Variants in FAXC observed in about 807,000 individuals in gnomAD.
The protein encoded by FAXC is failed axon connections homolog.
FAXC carries 10 observed loss-of-function variants against 41.9 expected under a neutral mutation model. The ratio of observed to expected loss-of-function variants is 0.24; its 90% CI spans 0.15 to 0.41. The LOEUF (loss-of-function observed/expected upper bound fraction) is 0.41. Among genes scored for constraint, FAXC ranks in the 10% least tolerant of loss-of-function variants. The pLI is 1.00. For missense variants in FAXC, 399 were observed against 510.9 expected (o/e 0.78, Z 2.11); for synonymous variants, 183 against 183.8 (o/e 1.00, Z 0.03).
intron 5 of FAXC, among the ~76,000 whole-genome samples, chr6:99,282,080 G>A (rs974931253): frequency 7.9e-5 from 12 of 152,188 alleles, no homozygotes; most frequent in African/African-American, 2.2e-4. Context: ...AAGTGAGTCC[G>A]ATGATGATGA....
intron 4 of FAXC, among the ~76,000 whole-genome samples, chr6:99,302,591 A>T (rs1389901664): frequency 6.6e-6 from 1 of 152,112 alleles, no homozygotes; most frequent in Non-Finnish European, 1.5e-5. Context: ...AGGAGGCAGA[A>T]GTTGCAGTGA....
chr6:99,281,387 T>C lies in FAXC; in HGVS notation c.1007A>G (p.His336Arg). 1 of 1,614,170 alleles carries C rather than the reference T, an allele frequency of 6.2e-7. No homozygotes were observed. The highest frequency in any genetic ancestry group is 1.1e-5 in the South Asian group (1 of 91,086). Residue 336 changes from histidine to arginine, a missense_variant, in exon 6 of 6, where the codon CAC (histidine) becomes CGC (arginine). Transcript: ENST00000389677. ...CTCATAGATGGTATTGTCATCATCG[T>C]GGTGCCACTCTGGCCAAAATTTCCT... ...IRRKFWPEWHHDDDNTIYESE... is the reference protein window; with the variant it reads ...IRRKFWPEWHRDDDNTIYESE...
At chr6:99,332,229 G>C (rs1474664603) in intron 3 of FAXC, among the ~76,000 whole-genome samples, 2 of 152,152 alleles carry the variant, frequency 1.3e-5, no homozygotes, top group African/African-American at 2.4e-5. Flanking sequence ...TAGAAAGAGA[G>C]TAGAATAAAT....
intron 4 of FAXC, among the ~76,000 whole-genome samples, chr6:99,294,278 G>T (rs1448242638): frequency 6.6e-6 from 1 of 152,206 alleles, no homozygotes; most frequent in African/African-American, 2.4e-5. Context: ...AACTCCTAAG[G>T]TGTTACTCCT....
In FAXC at chr6:99,349,616, C is replaced by G. The variant is rs1773732042; in HGVS notation, c.-244G>C. 1 of 154,024 alleles carries G rather than the reference C, an allele frequency of 6.5e-6. No homozygotes were observed. The highest frequency in any genetic ancestry group is 1.9e-4 in the East Asian group (1 of 5,150). 9.5% of individuals were successfully genotyped at this position (154,024 alleles called of 1,614,324 possible). ...AGCCCTGGGCGGCAGCAGCGGCCGCCGGCTCCCCCCGCAGCTGCCTCTCCG... is the reference window on the plus strand; with the variant it reads ...AGCCCTGGGCGGCAGCAGCGGCCGCGGGCTCCCCCCGCAGCTGCCTCTCCG... On this transcript the variant is annotated 5_prime_UTR_variant, in exon 1 of 6. Coordinates refer to ENST00000389677, the MANE Select transcript of FAXC (RefSeq NM_032511.4).
rs538230015 is a variant in FAXC at position 99,318,243 on chromosome 6, A to T, written c.823+5201T>A. Among the ~76,000 whole-genome samples, 46 of 148,500 alleles carry T rather than the reference A, an allele frequency of 3.1e-4. 1 individual carries two copies. The highest frequency in any genetic ancestry group is 6.5e-4 in the South Asian group (3 of 4,628). On this transcript the variant is annotated intron_variant, in intron 4 of 5. Transcript: ENST00000389677. ...CACTGCACTCCAGCCTGGGCGACAG[A>T]GCAAGACTCCGTCTCAAACACACAC...
At chr6:99,344,424 C>A (rs1272644010) in intron 1 of FAXC, among the ~76,000 whole-genome samples, 2 of 152,122 alleles carry the variant, frequency 1.3e-5, no homozygotes, top group Admixed American at 6.6e-5. Context: ...ACACCACACC[C>A]CCTTCTTTCT....
At chr6:99,286,797 T>C (rs1229951062) in intron 5 of FAXC, among the ~76,000 whole-genome samples, 1 of 152,228 alleles carries the variant, frequency 6.6e-6, no homozygotes, top group Admixed American at 6.5e-5. Flanking sequence ...ATTAGGAATG[T>C]TGCTAATAAT....
At chr6:99,294,848 C>A (rs908485680) in intron 4 of FAXC, among the ~76,000 whole-genome samples, 1 of 152,184 alleles carries the variant, frequency 6.6e-6, no homozygotes, top group Admixed American at 6.5e-5. Context: ...TTTGAACCCA[C>A]ACATCAAATA....
intron 1 of FAXC, 126 bp from the exon 2 acceptor site, chr6:99,343,159 G>T: frequency 1.3e-6 from 1 of 777,528 alleles, no homozygotes; most frequent in Non-Finnish European, 2.0e-6. Flanking sequence ...TTGTCACAGG[G>T]GCTTACATCA....
chr6:99,282,586 T>C (rs1161524800), intron 5 of FAXC, among the ~76,000 whole-genome samples: 1 of 152,196 alleles, frequency 6.6e-6, no homozygotes, highest in Non-Finnish European at 1.5e-5. Context: ...GTCTGAAACA[T>C]GCCACTCTAC....
In FAXC at chr6:99,273,893, A is replaced by G. The variant is rs555779893; in HGVS notation, c.*7271T>C. ...TATAGCAGTGTATACATATATACAT[A>G]TATATCATAAATAAATACATGGAGG... is the stretch of plus-strand genomic sequence containing the variant. On this transcript the variant is annotated 3_prime_UTR_variant, in exon 6 of 6. Coordinates refer to ENST00000389677, the MANE Select transcript of FAXC (RefSeq NM_032511.4). The G allele has an allele frequency of 9.2e-5, 14 of 152,270 alleles. No individual in the cohort carries two copies. The highest frequency in any genetic ancestry group is 3.1e-4 in the African/African-American group (13 of 41,542). 9.4% of individuals were successfully genotyped at this position (152,270 alleles called of 1,614,324 possible).
At chr6:99,322,185 G>T (rs1264407185) in intron 4 of FAXC, among the ~76,000 whole-genome samples, 1 of 152,188 alleles carries the variant, frequency 6.6e-6, no homozygotes, top group Admixed American at 6.5e-5. Flanking sequence ...TTTTGAAGGA[G>T]TCCAGCCAGT....
intron 4 of FAXC, among the ~76,000 whole-genome samples, chr6:99,296,067 A>G (rs755789813): frequency 6.6e-6 from 1 of 152,070 alleles, no homozygotes; most frequent in Non-Finnish European, 1.5e-5. Context: ...GCACTAATGG[A>G]TATTTATTTT....
chr6:99,339,178 A>G (rs1773326529), intron 2 of FAXC, among the ~76,000 whole-genome samples: 1 of 152,114 alleles, frequency 6.6e-6, no homozygotes, highest in African/African-American at 2.4e-5. Flanking sequence ...CTGAGTGGGG[A>G]GCCCACCCCC....
intron 2 of FAXC, among the ~76,000 whole-genome samples, chr6:99,337,799 A>G (rs1309196168): frequency 6.6e-6 from 1 of 152,208 alleles, no homozygotes; most frequent in African/African-American, 2.4e-5. Context: ...AGCTTTTTTT[A>G]AAAATAAGCC....
chr6:99,285,458 C>T (rs1467514553), intron 5 of FAXC, among the ~76,000 whole-genome samples: 2 of 151,950 alleles, frequency 1.3e-5, no homozygotes, highest in Non-Finnish European at 2.9e-5. Context: ...AGTTTAAAAA[C>T]AGTGAAAACA....
chr6:99,333,677 G>A (rs1773110132), intron 2 of FAXC, 130 bp from the exon 3 acceptor site: 1 of 753,078 alleles, frequency 1.3e-6, no homozygotes, highest in Non-Finnish European at 2.1e-6. Flanking sequence ...TGAACTCAGG[G>A]CATAAACTCC....
rs137933313 is a variant in FAXC, at chr6:99,323,502, G to A, written c.765C>T (p.Ser255=). The A allele has an allele frequency of 1.1e-5, 17 of 1,614,170 alleles. No individual in the cohort carries two copies. The highest frequency in any genetic ancestry group is 6.7e-5 in the East Asian group (3 of 44,884). Residue 255 remains serine (S), a synonymous_variant, in exon 4 of 6, where the codon TCC becomes TCT. Coordinates refer to ENST00000389677, the MANE Select transcript of FAXC (RefSeq NM_032511.4). Reference sequence around the variant, plus strand: ...CCATCAGCATGTAAATCTCTTCCTCGGAGAAGCGGCCAATGCCGTGGCCGT... The same window carrying A: ...CCATCAGCATGTAAATCTCTTCCTCAGAGAAGCGGCCAATGCCGTGGCCGT... ...EMHGHGIGRF[S]EEEIYMLMEK... is the part of the protein sequence containing the mutation.
Sources: allele counts gnomAD v4.1 joint callset (sites outside exome capture counted in the v4.1 genomes callset), GRCh38; gene constraint gnomAD v4.1.1; transcripts MANE v1.5; gene names NCBI Gene and HGNC (gene_info 2026-07-23, HGNC 2026-07-21).